The following SERPINB12 variants were observed in gnomAD, a reference collection of about 807,000 sequenced individuals.
SERPINB12 encodes the protein serpin B12.
SERPINB12 carries 57 observed loss-of-function variants against 41.1 expected under a neutral mutation model. The ratio of observed to expected loss-of-function variants is 1.39; its 90% CI spans 1.12 to 1.73. The LOEUF (loss-of-function observed/expected upper bound fraction) is 1.73. Ranked by LOEUF, SERPINB12 falls within the 40% of genes most tolerant of loss-of-function variation. The probability of loss-of-function intolerance (pLI) is 0.00; values close to 1 mark genes in which losing one functional copy is unlikely to be tolerated. For missense variants in SERPINB12, 536 were observed against 501.9 expected (o/e 1.07, Z -0.65); for synonymous variants, 180 against 181.3 (o/e 0.99, Z 0.06).
the SERPINB12 span, among the ~76,000 whole-genome samples, chr18:63,522,361 ATAG>A: frequency 6.6e-6 from 1 of 152,218 alleles, no homozygotes; most frequent in Non-Finnish European, 1.5e-5. Flanking sequence ...ACATTCACAA[ATAG>A]TTTCCAAATT....
chr18:63,539,471 G>A (rs1410782818), upstream of SERPINB12, among the ~76,000 whole-genome samples: 1 of 152,004 alleles, frequency 6.6e-6, no homozygotes, highest in Non-Finnish European at 1.5e-5. Context: ...GGAAGAGAAG[G>A]TTCTAGATAT....
intron 1 of SERPINB12, among the ~76,000 whole-genome samples, chr18:63,544,597 T>C (rs950508237): frequency 6.6e-6 from 1 of 152,158 alleles, no homozygotes; most frequent in Non-Finnish European, 1.5e-5. Flanking sequence ...TGCCTGTCTT[T>C]GATCTCTATG....
chr18:63,539,224 G>T (rs941433483), upstream of SERPINB12, among the ~76,000 whole-genome samples: 1 of 152,122 alleles, frequency 6.6e-6, no homozygotes, highest in African/African-American at 2.4e-5. Flanking sequence ...CCTCCCAAAG[G>T]CTCAGTCAGA....
At chr18:63,525,327 G>A in the SERPINB12 span, among the ~76,000 whole-genome samples, 12,215 of 151,954 alleles carry the variant, frequency 0.08, 575 homozygotes, top group African/African-American at 0.12. Flanking sequence ...ATACTAATTA[G>A]GAATTTTACT....
upstream of SERPINB12, among the ~76,000 whole-genome samples, chr18:63,542,246 A>T (rs1425260788): frequency 6.6e-6 from 1 of 152,216 alleles, no homozygotes; most frequent in Non-Finnish European, 1.5e-5. Flanking sequence ...ATGTAGAGAT[A>T]ATCACTTTAA....
At chr18:63,533,956 A>G in the SERPINB12 span, among the ~76,000 whole-genome samples, 1 of 152,228 alleles carries the variant, frequency 6.6e-6, no homozygotes, top group Admixed American at 6.5e-5. Flanking sequence ...TCAAGAATGT[A>G]TATCATCTCC....
chr18:63,524,525 A>G, the SERPINB12 span, among the ~76,000 whole-genome samples: 1 of 151,620 alleles, frequency 6.6e-6, no homozygotes. Context: ...CCTGACCTCA[A>G]GTGATCCACC....
intron 5 of SERPINB12, among the ~76,000 whole-genome samples, chr18:63,561,672 A>G (rs1298165003): frequency 6.6e-6 from 1 of 152,222 alleles, no homozygotes; most frequent in Non-Finnish European, 1.5e-5. Context: ...GGATAAAGAA[A>G]ATGTGGTACA....
intron 7 of SERPINB12, 32 bp downstream of exon 7, chr18:63,565,644 A>G (rs753044654): frequency 6.3e-7 from 1 of 1,577,334 alleles, no homozygotes; most frequent in South Asian, 1.2e-5. Flanking sequence ...TCTACAAAAT[A>G]TTTAATGATA....
chr18:63,549,502 G>A (rs1910469955), intron 1 of SERPINB12, among the ~76,000 whole-genome samples: 1 of 152,004 alleles, frequency 6.6e-6, no homozygotes. Context: ...GTGACATTGT[G>A]GATAGTACAT....
At chr18:63,528,575 A>AG in the SERPINB12 span, among the ~76,000 whole-genome samples, 152 of 152,232 alleles carry the variant, frequency 1.0e-3, 1 homozygote, top group South Asian at 0.016. Flanking sequence ...AAATGAGGTA[A>AG]GGGGAAAAAA....
At chr18:63,556,905 C>A (rs573663094) in intron 2 of SERPINB12, among the ~76,000 whole-genome samples, 2 of 152,350 alleles carry the variant, frequency 1.3e-5, no homozygotes, top group South Asian at 4.1e-4. Flanking sequence ...GATACTGCAG[C>A]AACTTCCTGA....
At position 63,550,586 on chromosome 18, in the gene SERPINB12, G is replaced by A. The variant is rs751591085; in HGVS notation, c.-18-5556G>A. ...CATAAGAAATAAGTGTAAGCTTAAT[G>A]TGTAACCAACACTCCAACCAAAAAA... is the stretch of plus-strand genomic sequence containing the variant. On this transcript the variant is annotated intron_variant, in intron 1 of 7. Transcript: ENST00000382768. Among the ~76,000 whole-genome samples the A allele has an allele frequency of 1.2e-4, 19 of 152,224 alleles. No individual in the cohort carries two copies. The Middle Eastern group carries it at 0.01, about 82-fold the overall frequency.
chr18:63,556,463 T>G (rs887680920), intron 2 of SERPINB12, 136 bp downstream of exon 2: 2 of 631,742 alleles, frequency 3.2e-6, no homozygotes, highest in Non-Finnish European at 2.6e-6. Flanking sequence ...TGTCTCTGAG[T>G]CTTTATTTGT....
At chr18:63,543,902 C>T (rs990013033) in intron 1 of SERPINB12, among the ~76,000 whole-genome samples, 16 of 152,166 alleles carry the variant, frequency 1.1e-4, no homozygotes, top group Non-Finnish European at 1.5e-4. Flanking sequence ...CAGGTGTGAG[C>T]CACTGCGCCC....
intron 1 of SERPINB12, among the ~76,000 whole-genome samples, chr18:63,552,539 A>G (rs1910559931): frequency 6.6e-6 from 1 of 152,222 alleles, no homozygotes; most frequent in African/African-American, 2.4e-5. Context: ...TCAAATCTTA[A>G]TGAGTGCTTC....
rs1423612823 is a variant in SERPINB12 at position 63,566,720 on chromosome 18, T to C, written c.987T>C (p.Asp329=). 6.2e-7 allele frequency: 1 copy of C among 1,613,998 alleles called. No individual in the cohort carries two copies. Residue 329 remains aspartate, a synonymous_variant, in exon 8 of 8, where the codon GAT becomes GAC. Coordinates refer to ENST00000382768, the MANE Select transcript of SERPINB12 (RefSeq NM_001307928.2). The part of the protein sequence containing the change: ...FPRFTLEDSY[D]LNSILQDMGI... ...GGTTCACCCTGGAAGACAGCTATGA[T>C]CTCAATTCCATTTTACAAGACATGG...
intron 1 of SERPINB12, among the ~76,000 whole-genome samples, chr18:63,545,784 G>T (rs928093264): frequency 2.0e-5 from 3 of 152,028 alleles, no homozygotes; most frequent in African/African-American, 7.2e-5. Context: ...AGTAATCAAT[G>T]ACATAAAATA....
At chr18:63,532,867 A>G in the SERPINB12 span, among the ~76,000 whole-genome samples, 1 of 152,186 alleles carries the variant, frequency 6.6e-6, no homozygotes, top group African/African-American at 2.4e-5. Flanking sequence ...AGACCAGAAT[A>G]TGTTTGTAGT....
Sources: gnomAD v4.1 joint callset for allele counts (sites outside exome capture counted in the v4.1 genomes callset) on GRCh38, gnomAD v4.1.1 for gene constraint, MANE v1.5 for transcripts, NCBI Gene and HGNC (gene_info 2026-07-23, HGNC 2026-07-21) for gene names.